The following TSPAN18 variants were observed in gnomAD, a reference collection of about 807,000 sequenced individuals.
TSPAN18 encodes tetraspanin 18.
A neutral mutation model predicts 27.3 loss-of-function variants in TSPAN18; 14 were observed. That is an observed-to-expected ratio of 0.51 (90% CI 0.34 to 0.80). The LOEUF (loss-of-function observed/expected upper bound fraction) is 0.80. Ranked by LOEUF, TSPAN18 falls within the 30% of genes least tolerant of loss-of-function variation. The pLI is 0.01. For missense variants in TSPAN18, 268 were observed against 323.9 expected (o/e 0.83, Z 1.32); for synonymous variants, 143 against 136.5 (o/e 1.05, Z -0.33).
At chr11:44,813,350 C>G (rs1856758220) in intron 2 of TSPAN18, among the ~76,000 whole-genome samples, 1 of 152,222 alleles carries the variant, frequency 6.6e-6, no homozygotes, top group African/African-American at 2.4e-5. Flanking sequence ...GTCAGGGAAC[C>G]TCTCTGAGTC....
chr11:44,909,386 A>T (rs779571921), intron 4 of TSPAN18: 62 of 279,396 alleles, frequency 2.2e-4, no homozygotes, highest in Non-Finnish European at 3.8e-4. Flanking sequence ...TGACCTCCTA[A>T]TCCTACAGGT....
intron 2 of TSPAN18, among the ~76,000 whole-genome samples, chr11:44,821,056 A>G (rs1246203963): frequency 6.6e-6 from 1 of 152,190 alleles, no homozygotes; most frequent in Non-Finnish European, 1.5e-5. Context: ...GGACTAATAC[A>G]ATGAGTTGGT....
chr11:44,728,162 G>C (rs1854564466), intron 1 of TSPAN18, among the ~76,000 whole-genome samples: 1 of 152,240 alleles, frequency 6.6e-6, no homozygotes, highest in African/African-American at 2.4e-5. Flanking sequence ...AGCCAGACGG[G>C]GGAGCGGGAC....
chr11:44,829,342 C>G (rs12795061), intron 2 of TSPAN18, among the ~76,000 whole-genome samples: 20 of 152,198 alleles, frequency 1.3e-4, no homozygotes, highest in African/African-American at 4.3e-4. Context: ...CTAACCTTCC[C>G]TCCCTTCCTT....
At chr11:44,875,633 A>G (rs75442421) in intron 3 of TSPAN18, among the ~76,000 whole-genome samples, 38,930 of 152,192 alleles carry the variant, frequency 0.26, 5,916 homozygotes, top group East Asian at 0.53. Flanking sequence ...CCTTGTAACT[A>G]CCTTGGGAGT....
At chr11:44,729,593 C>A (rs745972411) in intron 1 of TSPAN18, among the ~76,000 whole-genome samples, 4 of 152,162 alleles carry the variant, frequency 2.6e-5, no homozygotes, top group Non-Finnish European at 5.9e-5. Flanking sequence ...TCCCTTGTCC[C>A]CAAACCCATT....
intron 7 of TSPAN18, 50 bp downstream of exon 7, chr11:44,919,362 G>C: frequency 6.8e-7 from 1 of 1,471,756 alleles, no homozygotes; most frequent in Non-Finnish European, 9.5e-7. Context: ...ACGATGCCCA[G>C]TGTTCACATG....
chr11:44,867,961 G>A (rs1451030946), intron 3 of TSPAN18, among the ~76,000 whole-genome samples: 3 of 152,188 alleles, frequency 2.0e-5, no homozygotes, highest in Admixed American at 2.0e-4. Context: ...CAGAGGAGGA[G>A]GACAGGTGAT....
intron 2 of TSPAN18, among the ~76,000 whole-genome samples, chr11:44,793,182 G>T (rs900230039): frequency 3.9e-5 from 6 of 152,218 alleles, no homozygotes; most frequent in Non-Finnish European, 5.9e-5. Context: ...GGGCTGACAG[G>T]CGTGTGCCAC....
At chr11:44,747,144 T>C (rs1488880035) in intron 1 of TSPAN18, among the ~76,000 whole-genome samples, 1 of 152,226 alleles carries the variant, frequency 6.6e-6, no homozygotes, top group African/African-American at 2.4e-5. Flanking sequence ...CGCCAGGCCC[T>C]CTCACAGGCG....
intron 2 of TSPAN18, among the ~76,000 whole-genome samples, chr11:44,824,130 G>C (rs1437225245): frequency 1.3e-5 from 2 of 152,154 alleles, no homozygotes; most frequent in African/African-American, 4.8e-5. Flanking sequence ...TGGAGTTCAG[G>C]CCTTTGAGGG....
At chr11:44,786,081 A>AG (rs1325668981) in intron 2 of TSPAN18, among the ~76,000 whole-genome samples, 1 of 152,262 alleles carries the variant, frequency 6.6e-6, no homozygotes, top group African/African-American at 2.4e-5. Flanking sequence ...AGCTGTCAGT[A>AG]GGACAGGTGA....
intron 8 of TSPAN18, 148 bp from the exon 9 acceptor site, chr11:44,926,526 A>AC (rs774085910): frequency 4.1e-6 from 3 of 723,696 alleles, no homozygotes; most frequent in African/African-American, 3.5e-5. Flanking sequence ...CCTGCCCTGC[A>AC]CCCCCTCCCC....
intron 2 of TSPAN18, among the ~76,000 whole-genome samples, chr11:44,801,646 C>T (rs139508646): frequency 6.6e-6 from 1 of 152,362 alleles, no homozygotes; most frequent in Non-Finnish European, 1.5e-5. Context: ...GAAACTGCCT[C>T]ATTTGAATCC....
intron 2 of TSPAN18, among the ~76,000 whole-genome samples, chr11:44,790,738 A>G (rs1051226369): frequency 6.6e-6 from 1 of 152,202 alleles, no homozygotes; most frequent in Non-Finnish European, 1.5e-5. Flanking sequence ...AGATGATGCC[A>G]TGAGGCTTAG....
chr11:44,858,381 C>T (rs1157324695), intron 2 of TSPAN18, among the ~76,000 whole-genome samples: 1 of 143,812 alleles, frequency 7.0e-6, no homozygotes. Context: ...AGAAGCTCCT[C>T]TCCCTTTGAG....
chr11:44,814,044 A>G (rs1856772765), intron 2 of TSPAN18, among the ~76,000 whole-genome samples: 1 of 152,240 alleles, frequency 6.6e-6, no homozygotes, highest in African/African-American at 2.4e-5. Flanking sequence ...GAAAACAGAC[A>G]AAAGCAAGAA....
rs752303234 is a variant in TSPAN18 at position 44,929,136 on chromosome 11, C to T, written c.705C>T (p.Phe235=). The part of the protein sequence containing the change: ...LAIGVLAIEL[F]AMIFAMCLFR... ...CTCTTTTTCTTTTTTTGCAGCTTTT[C>T]GCCATGATCTTTGCCATGTGCCTCT... The change falls in exon 10 of 10, where the codon TTC becomes TTT. Residue 235 remains phenylalanine (F), a synonymous_variant. Coordinates refer to ENST00000520358, the MANE Select transcript of TSPAN18 (RefSeq NM_130783.5). 36 of 1,613,432 alleles carry T rather than the reference C, an allele frequency of 2.2e-5. No individual in the cohort carries two copies. The highest frequency in any genetic ancestry group is 1.6e-4 in the Middle Eastern group (1 of 6,062).
At chr11:44,750,472 C>G (rs1855184522) in intron 1 of TSPAN18, among the ~76,000 whole-genome samples, 1 of 152,098 alleles carries the variant, frequency 6.6e-6, no homozygotes, top group Non-Finnish European at 1.5e-5. Context: ...ATGTATTTGA[C>G]AAAATAAATG....
Sources: allele counts gnomAD v4.1 joint callset (sites outside exome capture counted in the v4.1 genomes callset), GRCh38; gene constraint gnomAD v4.1.1; transcripts MANE v1.5; gene names NCBI Gene and HGNC (gene_info 2026-07-23, HGNC 2026-07-21).